The following PPARGC1B variants were observed in gnomAD, a reference collection of about 807,000 sequenced individuals.
PPARGC1B encodes PPARG coactivator 1 beta, also known as peroxisome proliferator-activated receptor gamma coactivator 1-beta.
A neutral mutation model predicts 101.6 loss-of-function variants in PPARGC1B; 34 were observed. The observed-to-expected ratio is 0.33, with a 90% confidence interval of 0.25 to 0.45. The LOEUF is 0.45. Ranked by LOEUF, PPARGC1B falls within the 20% of genes least tolerant of loss-of-function variation. PPARGC1B has a pLI of 1.00. For synonymous variants in PPARGC1B, 548 were observed against 539.3 expected (o/e 1.02, Z -0.22); for missense variants, 1,234 against 1,317.6 (o/e 0.94, Z 0.98).
intron 2 of PPARGC1B, 139 bp downstream of exon 2, chr5:149,820,745 G>A (rs941702953): frequency 2.1e-5 from 18 of 848,996 alleles, no homozygotes; most frequent in East Asian, 1.6e-4. Context: ...GTTGGGCCCC[G>A]GTTTCTCGTG....
chr5:149,823,745 C>T (rs1758394998), intron 2 of PPARGC1B, among the ~76,000 whole-genome samples: 1 of 152,118 alleles, frequency 6.6e-6, no homozygotes. Context: ...GAGCTTCCTG[C>T]CCCACCTGGC....
At chr5:149,855,643 G>A (rs1199003333), downstream of PPARGC1B, among the ~76,000 whole-genome samples, 2 of 152,150 alleles carry the variant, frequency 1.3e-5, no homozygotes, top group Admixed American at 6.5e-5. Flanking sequence ...CAGCAAGTAG[G>A]GTGAGGAAGT....
chr5:149,854,887 C>G lies in PPARGC1B; in HGVS notation c.*7329C>G, dbSNP rs951581528. The G allele has an allele frequency of 1.3e-5, 2 of 152,200 alleles. No individual in the cohort carries two copies. The highest frequency in any genetic ancestry group is 1.3e-4 in the Admixed American group (2 of 15,280). 9.4% of individuals were successfully genotyped at this position (152,200 alleles called of 1,614,324 possible). The stretch of plus-strand genomic sequence containing the variant: ...CAGAACTGGCTTCTTTTCTCAAACT[C>G]CCACTGTGGGGTTATTGTTTACATC... On this transcript the variant is annotated 3_prime_UTR_variant, in exon 12 of 12. Coordinates refer to ENST00000309241, the MANE Select transcript of PPARGC1B (RefSeq NM_133263.4).
rs1759799486 is a variant in PPARGC1B at position 149,852,386 on chromosome 5, C to G, written c.*4828C>G. The G allele has an allele frequency of 6.6e-6, 1 of 151,514 alleles. No individual in the cohort carries two copies. The highest frequency in any genetic ancestry group is 1.5e-5 in the Non-Finnish European group (1 of 68,044). 9.4% of individuals were successfully genotyped at this position (151,514 alleles called of 1,614,324 possible). A position where few individuals can be genotyped will look rare whatever the true frequency, so the allele number is the denominator to read the frequency against. On this transcript the variant is annotated 3_prime_UTR_variant, in exon 12 of 12. Transcript: ENST00000309241. ...AACCAGGAGCATTGGGAATCCATCA[C>G]TCCTCCTTGAAACTGATTCCATTCT...
rs778577683 is a variant in PPARGC1B at position 149,826,809 on chromosome 5, C to G, written c.389C>G (p.Ala130Gly). The G allele has an allele frequency of 1.2e-6, 2 of 1,613,836 alleles. No homozygotes were observed. Among genetic ancestry groups the G allele is most frequent in the Non-Finnish European group, 1.7e-6 (2 of 1,179,770 alleles). Residue 130 changes from alanine (A) to glycine (G), a missense_variant, in exon 3 of 12, where the codon GCC (alanine) becomes GGC (glycine). Ala to Gly is a moderately conservative substitution (Grantham distance 60, BLOSUM62 0). This residue lies in a region of PPARGC1B where 734 missense variants were observed against 768.4 expected (regional missense o/e 0.96). Transcript: ENST00000309241. ...DALSCTSASP[A>G]PSSAPPSPAP... ...CTATCATGCACCTCAGCTTCGCCTG[C>G]CCCCTCATCTGCACCCCCCAGCCCT...
In PPARGC1B at chr5:149,852,620, G is replaced by C. The variant is rs1759806616; in HGVS notation, c.*5062G>C. 1 of 151,788 alleles carries C rather than the reference G, an allele frequency of 6.6e-6. No homozygotes were observed. The highest frequency in any genetic ancestry group is 2.1e-4 in the South Asian group (1 of 4,816). 9.4% of individuals were successfully genotyped at this position (151,788 alleles called of 1,614,324 possible). A position where few individuals can be genotyped will look rare whatever the true frequency, so the allele number is the denominator to read the frequency against. ...CGATGTCAAATCTCACATTAACCTT[G>C]TCTTTGTCCCCACTGGATAGCTGTT... On this transcript the variant is annotated 3_prime_UTR_variant, in exon 12 of 12. Coordinates refer to ENST00000309241, the MANE Select transcript of PPARGC1B (RefSeq NM_133263.4).
chr5:149,813,705 C>G (rs1343997401), intron 1 of PPARGC1B, among the ~76,000 whole-genome samples: 1 of 152,226 alleles, frequency 6.6e-6, no homozygotes, highest in Non-Finnish European at 1.5e-5. Context: ...AGTGCTATAT[C>G]TGTGTCTCAG....
intron 1 of PPARGC1B, among the ~76,000 whole-genome samples, chr5:149,798,764 C>G (rs751311586): frequency 2.0e-5 from 3 of 152,162 alleles, no homozygotes; most frequent in African/African-American, 7.2e-5. Context: ...GCTTACCATC[C>G]CTGGGACTCA....
Position 149,754,664 on chromosome 5 carries a change from G to T in PPARGC1B, c.78+24244G>T, listed in dbSNP as rs535726759. Among the ~76,000 whole-genome samples, 116 of 152,068 alleles carry T rather than the reference G, an allele frequency of 7.6e-4. 1 individual carries two copies. The South Asian group carries it at 0.014, about 19-fold the overall frequency. ...GTGAGGCCCAGAGGAGAATGGGCCT[G>T]TCGGAGTCAGGTGTCAGAGGCTGGG... On this transcript the variant is annotated intron_variant, in intron 1 of 11. Transcript: ENST00000309241.
chr5:149,834,194 CAGTT>C (rs1021386793), intron 5 of PPARGC1B, among the ~76,000 whole-genome samples: 1 of 152,236 alleles, frequency 6.6e-6, no homozygotes, highest in Non-Finnish European at 1.5e-5. Flanking sequence ...ATGATAACAA[CAGTT>C]AGCCACTGTA....
intron 1 of PPARGC1B, among the ~76,000 whole-genome samples, chr5:149,732,610 G>T (rs1754543452): frequency 6.6e-6 from 1 of 152,220 alleles, no homozygotes; most frequent in African/African-American, 2.4e-5. Context: ...CACATGACAG[G>T]CCGAGGATCT....
At chr5:149,795,703 G>T (rs1385521879) in intron 1 of PPARGC1B, among the ~76,000 whole-genome samples, 3 of 152,172 alleles carry the variant, frequency 2.0e-5, no homozygotes, top group African/African-American at 7.2e-5. Context: ...TGAGGCCTGG[G>T]ATACTGTCAC....
chr5:149,833,495 C>G lies in PPARGC1B; in HGVS notation c.1422C>G (p.Cys474Trp), dbSNP rs1758904387. The G allele has an allele frequency of 6.4e-7, 1 of 1,564,198 alleles. No individual in the cohort carries two copies. Among genetic ancestry groups the G allele is most frequent in the South Asian group, 1.2e-5 (1 of 85,540 alleles). ...KLGRKLESSV[C>W]PVRRSRRLNP... is the part of the protein sequence containing the mutation. ...GGAGGAAGCTGGAGAGCTCTGTGTG[C>G]CCCGTGCGGCGTTCTCGGAGACTGA... is the stretch of plus-strand genomic sequence containing the variant. Residue 474 changes from cysteine (C) to tryptophan (W), a missense_variant, in exon 5 of 12, where the codon TGC becomes TGG. Around this residue, in one of 3 missense-constraint regions of PPARGC1B, gnomAD observed 734 missense variants for 768.4 expected, o/e 0.96. Transcript: ENST00000309241. This position sits in a 1 kb window ranked among gnomAD's most constrained non-coding sequence, Gnocchi z 4.1.
At chr5:149,748,146 C>G (rs947948543) in intron 1 of PPARGC1B, among the ~76,000 whole-genome samples, 2 of 152,024 alleles carry the variant, frequency 1.3e-5, no homozygotes, top group African/African-American at 4.8e-5. Flanking sequence ...GGTCTGAGGG[C>G]AAGTGGGAGG....
intron 1 of PPARGC1B, among the ~76,000 whole-genome samples, chr5:149,760,312 G>A (rs770689584): frequency 3.3e-5 from 5 of 152,182 alleles, no homozygotes; most frequent in South Asian, 2.1e-4. Flanking sequence ...TATCCCAGCC[G>A]CAGTGCTCCT....
intron 1 of PPARGC1B, among the ~76,000 whole-genome samples, chr5:149,802,104 C>T (rs1561557019): frequency 6.6e-6 from 1 of 152,194 alleles, no homozygotes; most frequent in African/African-American, 2.4e-5. Flanking sequence ...AAGTGTTCTC[C>T]AGTTCACTTT....
Position 149,809,444 on chromosome 5 carries a change from G to GATAGATAGATAGATAGATCCATCTCTACC in PPARGC1B, c.79-10971_79-10970insCCATCTCTACCATAGATAGATAGATAGAT, listed in dbSNP as rs1561568232. On this transcript the variant is annotated intron_variant, in intron 1 of 11. Coordinates refer to ENST00000309241, the MANE Select transcript of PPARGC1B (RefSeq NM_133263.4). ...GATAGATAGATCCATCTCTACCATA[G>GATAGATAGATAGATAGATCCATCTCTACC]ATAGATAGATAGATAGATAGATCCA... Among the ~76,000 whole-genome samples the GATAGATAGATAGATAGATCCATCTCTACC allele has an allele frequency of 5.1e-4, 58 of 113,200 alleles. 3 individuals carry two copies. The highest frequency in any genetic ancestry group is 5.7e-3 in the Middle Eastern group (1 of 176). 74.3% of individuals were successfully genotyped at this position (113,200 alleles called of 152,430 possible). A position where few individuals can be genotyped will look rare whatever the true frequency, so the allele number is the denominator to read the frequency against.
intron 3 of PPARGC1B, among the ~76,000 whole-genome samples, chr5:149,830,123 C>T (rs908403407): frequency 6.7e-6 from 1 of 150,292 alleles, no homozygotes; most frequent in Non-Finnish European, 1.5e-5. Flanking sequence ...AATGAAAGCC[C>T]ACCTCATGAT....
intron 1 of PPARGC1B, among the ~76,000 whole-genome samples, chr5:149,779,289 T>C (rs946207081): frequency 4.6e-5 from 7 of 152,218 alleles, no homozygotes; most frequent in Admixed American, 2.0e-4. Flanking sequence ...GTGGGGTGAG[T>C]GCATACACCA....
Sources: gnomAD v4.1 joint callset for allele counts (sites outside exome capture counted in the v4.1 genomes callset) on GRCh38, gnomAD v4.1.1 for gene constraint, gnomAD v4.1.1 regional missense constraint, Gnocchi (gnomAD v3.1) non-coding constraint, MANE v1.5 for transcripts, NCBI Gene and HGNC (gene_info 2026-07-23, HGNC 2026-07-21) for gene names.